The following NF2 variants were observed in gnomAD, a reference collection of about 807,000 sequenced individuals.
NF2 encodes the protein NF2, moesin-ezrin-radixin like (MERLIN) tumor suppressor.
In NF2, 8 loss-of-function variants were observed where a neutral mutation model predicts 83.7. The ratio of observed to expected loss-of-function variants is 0.10; its 90% CI spans 0.06 to 0.17. The LOEUF (loss-of-function observed/expected upper bound fraction) is 0.17, where lower values mean the gene tolerates loss of function less well. Among genes scored for constraint, NF2 ranks in the 10% least tolerant of loss-of-function variants. NF2 has a pLI of 1.00. For synonymous variants in NF2, 266 were observed against 269.6 expected, an observed-to-expected ratio of 0.99 and a Z score of 0.13; for missense variants, 533 against 744.4, an observed-to-expected ratio of 0.72 and a Z score of 3.31.
rs534398531 is a variant in NF2 at position 29,678,297 on chromosome 22, G to T, written c.1548G>T (p.Arg516=). 3 of 1,614,022 alleles carry T rather than the reference G, an allele frequency of 1.9e-6. No individual in the cohort carries two copies. The highest frequency in any genetic ancestry group is 3.3e-5 in the Admixed American group (2 of 60,014). ...SFDFKDTDMK[R]LSMEIEKEKV... The stretch of plus-strand genomic sequence containing the variant: ...ACTTCAAAGATACTGACATGAAGCG[G>T]CTTTCCATGGAGATAGAGAAAGAAA... Residue 516 remains arginine, a synonymous_variant, in exon 14 of 16, where the codon CGG becomes CGT. Coordinates refer to ENST00000338641, the MANE Select transcript of NF2 (RefSeq NM_000268.4).
chr22:29,655,554 T>C (rs2066276019), intron 5 of NF2, 40 bp from the exon 6 acceptor site: 4 of 1,457,344 alleles, frequency 2.7e-6, no homozygotes, highest in East Asian at 2.3e-5. Flanking sequence ...CCAAATTTAC[T>C]TCATGTGTAG....
chr22:29,676,254 A>G (rs992284625), intron 13 of NF2, among the ~76,000 whole-genome samples: 2 of 151,946 alleles, frequency 1.3e-5, no homozygotes, highest in South Asian at 2.1e-4. Context: ...GCTCACTGCA[A>G]CCTTAGCCTC....
intron 13 of NF2, among the ~76,000 whole-genome samples, chr22:29,676,878 A>G (rs2066978849): frequency 7.6e-6 from 1 of 131,632 alleles, no homozygotes; most frequent in Non-Finnish European, 1.8e-5. Flanking sequence ...TGTAACATAC[A>G]CATAGAGAAG....
chr22:29,689,403 G>C (rs2067348886), intron 15 of NF2, among the ~76,000 whole-genome samples: 1 of 151,946 alleles, frequency 6.6e-6, no homozygotes, highest in Non-Finnish European at 1.5e-5. Context: ...CAGAGGATCT[G>C]CACGTCCTTT....
At position 29,623,451 on chromosome 22, in the gene NF2, G is replaced by A. The variant is rs545967775; in HGVS notation, c.115-13300G>A. ...GGTTGGAAGTAGGAAACAATTAGAAGGCAAACGCTTTGGGCAAGGTATCAC... is the reference window on the plus strand; with the variant it reads ...GGTTGGAAGTAGGAAACAATTAGAAAGCAAACGCTTTGGGCAAGGTATCAC... On this transcript the variant is annotated intron_variant, in intron 1 of 15. Coordinates refer to ENST00000338641, the MANE Select transcript of NF2 (RefSeq NM_000268.4). 6.8e-4 allele frequency among the ~76,000 whole-genome samples: 103 copies of A among 152,304 alleles called. 2 individuals carry two copies. Among genetic ancestry groups the A allele is most frequent in the Admixed American group, 5.5e-3 (84 of 15,294 alleles).
At chr22:29,684,007 G>A in intron 15 of NF2, 1 of 812,142 alleles carries the variant, frequency 1.2e-6, no homozygotes, top group Non-Finnish European at 1.5e-6. Flanking sequence ...CTTCCCTGCA[G>A]TTTCTGCTCA....
At chr22:29,605,642 C>A (rs1406835763) in intron 1 of NF2, among the ~76,000 whole-genome samples, 2 of 152,094 alleles carry the variant, frequency 1.3e-5, no homozygotes, top group Non-Finnish European at 2.9e-5. Context: ...ACTATTTAAA[C>A]CCTCCGGCAA....
At position 29,696,494 on chromosome 22, in the gene NF2, G is replaced by T. The variant is rs1283352240; in HGVS notation, c.*1692G>T. On this transcript the variant is annotated 3_prime_UTR_variant, in exon 16 of 16. Coordinates refer to ENST00000338641, the MANE Select transcript of NF2 (RefSeq NM_000268.4). ...GGCCTCAAGATTTTTGGAGAGCAGA[G>T]GTGGTCTCTGGCAATTCCATCTGGT... 9.1e-6 allele frequency: 2 copies of T among 219,792 alleles called. No homozygotes were observed. Among genetic ancestry groups the T allele is most frequent in the East Asian group, 1.3e-4 (2 of 15,202 alleles). The allele number at this position is 219,792 out of a possible 1,614,324, so 13.6% of individuals were successfully genotyped here.
chr22:29,624,807 T>TTCTC (rs1457796245), intron 1 of NF2, among the ~76,000 whole-genome samples: 4 of 36,262 alleles, frequency 1.1e-4, no homozygotes, highest in Non-Finnish European at 2.4e-4. Flanking sequence ...TCCTCTTTCT[T>TTCTC]TCTTTCTTTC....
intron 1 of NF2, among the ~76,000 whole-genome samples, chr22:29,622,463 A>T (rs995339545): frequency 6.6e-6 from 1 of 152,142 alleles, no homozygotes; most frequent in Non-Finnish European, 1.5e-5. Context: ...TCCTGCCTGT[A>T]TTCAGCCTGG....
At chr22:29,620,575 C>G (rs1194871041) in intron 1 of NF2, among the ~76,000 whole-genome samples, 4 of 148,656 alleles carry the variant, frequency 2.7e-5, no homozygotes, top group Non-Finnish European at 5.9e-5. Flanking sequence ...CTCGTCTCTA[C>G]TAAAAATAGA....
At position 29,694,311 on chromosome 22, in the gene NF2, C is replaced by T. The variant is rs1432197904; in HGVS notation, c.1738-441C>T. Among the ~76,000 whole-genome samples, 3 of 152,232 alleles carry T rather than the reference C, an allele frequency of 2.0e-5. No individual in the cohort carries two copies. In the East Asian group the frequency reaches 5.8e-4, roughly 29 times the overall value. On this transcript the variant is annotated intron_variant, in intron 15 of 15. Transcript: ENST00000338641. This position sits in a 1 kb window ranked among gnomAD's most constrained non-coding sequence, Gnocchi z 4.1. ...TCAGGCCACGTCACCTTACCCCAGCCATGTTGCCAGGGCATGAGGACTAAG... is the reference window on the plus strand; with the variant it reads ...TCAGGCCACGTCACCTTACCCCAGCTATGTTGCCAGGGCATGAGGACTAAG...
chr22:29,631,233 C>T (rs2065503015), intron 1 of NF2, among the ~76,000 whole-genome samples: 1 of 152,178 alleles, frequency 6.6e-6, no homozygotes, highest in African/African-American at 2.4e-5. Context: ...AGCTTGGACC[C>T]AAGTGGCAGA....
In NF2 at chr22:29,683,699, A is replaced by G. The variant is rs75296199; in HGVS notation, c.1737+2098A>G. ...ATCTGTGCTCAGCCACCTCTGCTTC[A>G]GCTTCCTCTCCATAGGCTGAGCAGA... On this transcript the variant is annotated intron_variant, in intron 15 of 15. Transcript: ENST00000338641. 819 of 1,073,498 alleles carry G rather than the reference A, an allele frequency of 7.6e-4. 1 individual carries two copies. Among genetic ancestry groups the G allele is most frequent in the Admixed American group, 1.1e-3 (24 of 21,030 alleles). 66.5% of individuals were successfully genotyped at this position (1,073,498 alleles called of 1,614,324 possible).
chr22:29,639,093 C>T lies in NF2; in HGVS notation c.244C>T (p.Leu82=), dbSNP rs1940820685. 1.2e-5 allele frequency: 19 copies of T among 1,614,072 alleles called. No homozygotes were observed. The highest frequency in any genetic ancestry group is 1.7e-5 in the Admixed American group (1 of 59,996). Residue 82 remains leucine (L), a synonymous_variant, in exon 3 of 16, where the codon CTG becomes TTG. Transcript: ENST00000338641. ...VAWLKMDKKV[L]DHDVSKEEPV... is the part of the protein sequence containing the mutation. The stretch of plus-strand genomic sequence containing the variant: ...CTTTTGCTCTGCAATTCTGCAGGTA[C>T]TGGATCATGATGTTTCAAAGGAAGA...
Position 29,603,903 on chromosome 22 carries a change from T to C in NF2, c.-96T>C. On this transcript the variant is annotated 5_prime_UTR_variant, in exon 1 of 16. It removes an upstream start codon present in the reference 5' UTR. Transcript: ENST00000338641. ...TCCCGGGCCGGGCAGCCGGCCACCA[T>C]GGTGGCCCTGAGGCCTGTGCAGCAA... The C allele has an allele frequency of 8.4e-6, 8 of 949,214 alleles. No individual in the cohort carries two copies. The highest frequency in any genetic ancestry group is 2.6e-5 in the East Asian group (1 of 37,938). The allele number at this position is 949,214 out of a possible 1,614,324, so 58.8% of individuals were successfully genotyped here.
intron 9 of NF2, among the ~76,000 whole-genome samples, chr22:29,667,587 A>G (rs1292950506): frequency 6.6e-6 from 1 of 151,838 alleles, no homozygotes; most frequent in Non-Finnish European, 1.5e-5. Flanking sequence ...GCGTCTCACT[A>G]TGTCACCCAG....
intron 1 of NF2, among the ~76,000 whole-genome samples, chr22:29,635,232 C>G (rs773027786): frequency 6.6e-6 from 1 of 152,180 alleles, no homozygotes; most frequent in Non-Finnish European, 1.5e-5. Flanking sequence ...CTTGAAAACT[C>G]CCCTGTAGAA....
intron 4 of NF2, among the ~76,000 whole-genome samples, chr22:29,642,771 C>T (rs191954823): frequency 1.2e-4 from 19 of 152,142 alleles, no homozygotes; most frequent in Admixed American, 1.2e-3. Flanking sequence ...ACTCCAAACT[C>T]ATTTGCAAAC....
Sources: gnomAD v4.1 joint callset for allele counts (sites outside exome capture counted in the v4.1 genomes callset) on GRCh38, gnomAD v4.1.1 for gene constraint, Gnocchi (gnomAD v3.1) non-coding constraint, MANE v1.5 for transcripts, NCBI Gene and HGNC (gene_info 2026-07-23, HGNC 2026-07-21) for gene names.